Variants in ATXN10 observed in about 807,000 individuals in gnomAD.
The protein encoded by ATXN10 is ataxin-10.
Under a neutral mutation model 52.9 loss-of-function variants are expected in ATXN10, and 28 were observed. The observed-to-expected ratio is 0.53, with a 90% CI of 0.39 to 0.73. The LOEUF (loss-of-function observed/expected upper bound fraction) is 0.73, where lower values mean the gene tolerates loss of function less well. ATXN10 is among the 30% of genes least tolerant of loss of function. The pLI is 0.00. For missense variants in ATXN10, 565 were observed against 577.0 expected (o/e 0.98, Z 0.21); for synonymous variants, 226 against 221.5 (o/e 1.02, Z -0.18).
intron 10 of ATXN10, among the ~76,000 whole-genome samples, chr22:45,830,495 A>G (rs1211403315): frequency 6.6e-6 from 1 of 152,198 alleles, no homozygotes; most frequent in Non-Finnish European, 1.5e-5. Context: ...TATATAGAGA[A>G]TTCATAAAAC....
rs1383695791 is a variant in ATXN10 at position 45,732,224 on chromosome 22, T to C, written c.894+2634T>C. Among the ~76,000 whole-genome samples, 1 of 151,898 alleles carries C rather than the reference T, an allele frequency of 6.6e-6. No individual in the cohort carries two copies. The highest frequency in any genetic ancestry group is 1.5e-5 in the Non-Finnish European group (1 of 67,974). On this transcript the variant is annotated intron_variant, in intron 7 of 11. Coordinates refer to ENST00000252934, the MANE Select transcript of ATXN10 (RefSeq NM_013236.4). This position sits in a 1 kb window ranked among gnomAD's most constrained non-coding sequence, Gnocchi z 4.5. ...CCCAATACTTTGGGACGCCAAGGCG[T>C]GGGAGGATTGCTTAAGCCCAGGAGT... is the stretch of plus-strand genomic sequence containing the variant.
chr22:45,741,598 C>A (rs558563586), intron 9 of ATXN10, among the ~76,000 whole-genome samples: 2 of 152,158 alleles, frequency 1.3e-5, no homozygotes, highest in Admixed American at 6.5e-5. Flanking sequence ...CTTACTTGCC[C>A]AGCTGATGCC....
chr22:45,773,527 C>T (rs1025594930), intron 9 of ATXN10, among the ~76,000 whole-genome samples: 4 of 151,974 alleles, frequency 2.6e-5, no homozygotes, highest in African/African-American at 7.3e-5. Context: ...GGTGCAATCT[C>T]GGCTCACTGC....
At position 45,795,029 on chromosome 22, in the gene ATXN10, T is replaced by G. The variant is rs1927659008; in HGVS notation, c.1174-11930T>G. ...TATATGAGAGTAATTGCCCAAAGAT[T>G]AAACAGAGTATACAGTTACAACATT... On this transcript the variant is annotated intron_variant, in intron 9 of 11. Transcript: ENST00000252934. The surrounding 1 kb of genome is among the most constrained non-coding windows in gnomAD (Gnocchi z 4.6). 6.6e-6 allele frequency among the ~76,000 whole-genome samples: 1 copy of G among 152,284 alleles called. No homozygotes were observed. The highest frequency in any genetic ancestry group is 2.4e-5 in the African/African-American group (1 of 41,550).
rs1464765464 is a variant in ATXN10 at position 45,696,885 on chromosome 22, A to G, written c.392-3397A>G. On this transcript the variant is annotated intron_variant, in intron 3 of 11. Transcript: ENST00000252934. This position sits in a 1 kb window ranked among gnomAD's most constrained non-coding sequence, Gnocchi z 4.7. Reference sequence around the variant, plus strand: ...ATGAACCAGTTTGTCATTGAGGAGTAAATTGGTTATTTGGTTGTTAGCTTG... The same window carrying G: ...ATGAACCAGTTTGTCATTGAGGAGTGAATTGGTTATTTGGTTGTTAGCTTG... 6.6e-6 allele frequency among the ~76,000 whole-genome samples: 1 copy of G among 152,218 alleles called. No homozygotes were observed. Among genetic ancestry groups the G allele is most frequent in the African/African-American group, 2.4e-5 (1 of 41,458 alleles).
chr22:45,721,743 T>C (rs1163547734), intron 6 of ATXN10, among the ~76,000 whole-genome samples: 4 of 152,122 alleles, frequency 2.6e-5, no homozygotes, highest in Non-Finnish European at 5.9e-5. Flanking sequence ...ACAGACTCTG[T>C]GAAATAGGTA....
chr22:45,722,740 A>G (rs2146780411), intron 6 of ATXN10, among the ~76,000 whole-genome samples: 1 of 152,076 alleles, frequency 6.6e-6, no homozygotes, highest in East Asian at 1.9e-4. Flanking sequence ...TTGCTGCTGA[A>G]CAACTTTGAT....
In ATXN10 at chr22:45,672,114, G is replaced by A; in HGVS notation, c.51G>A (p.Pro17=). The A allele has an allele frequency of 6.5e-7, 1 of 1,540,160 alleles. No individual in the cohort carries two copies. Among genetic ancestry groups the A allele is most frequent in the Non-Finnish European group, 8.7e-7 (1 of 1,145,682 alleles). Residue 17 remains proline, a synonymous_variant, in exon 1 of 12, where the codon CCG becomes CCA. Transcript: ENST00000252934. ...PPARLSGVMV[P]APIQDLEALR... The stretch of plus-strand genomic sequence containing the variant: ...CCAGGCTGTCGGGCGTCATGGTGCC[G>A]GCGCCCATCCAAGACCTGGAGGCCC...
intron 3 of ATXN10, among the ~76,000 whole-genome samples, chr22:45,694,089 C>T (rs1923491201): frequency 6.6e-6 from 1 of 152,020 alleles, no homozygotes; most frequent in Non-Finnish European, 1.5e-5. Context: ...TGTTAAGTGT[C>T]TAAGTCAAGT....
intron 9 of ATXN10, among the ~76,000 whole-genome samples, chr22:45,788,216 A>T (rs1330298137): frequency 2.0e-5 from 3 of 152,118 alleles, no homozygotes; most frequent in Admixed American, 6.5e-5. Context: ...TGTATAAGAG[A>T]TGGATAATAT....
At position 45,772,159 on chromosome 22, in the gene ATXN10, C is replaced by T. The variant is rs971077186; in HGVS notation, c.1173+31621C>T. Reference sequence around the variant, plus strand: ...AAGAACTCTGTCCCTAATTCAGAATCACAAGAATTTTCTCATAGTTTTTCT... The same window carrying T: ...AAGAACTCTGTCCCTAATTCAGAATTACAAGAATTTTCTCATAGTTTTTCT... On this transcript the variant is annotated intron_variant, in intron 9 of 11. Coordinates refer to ENST00000252934, the MANE Select transcript of ATXN10 (RefSeq NM_013236.4). The surrounding 1 kb of genome is among the most constrained non-coding windows in gnomAD (Gnocchi z 4.1). Among the ~76,000 whole-genome samples, 15 of 152,126 alleles carry T rather than the reference C, an allele frequency of 9.9e-5. No homozygotes were observed. Among genetic ancestry groups the T allele is most frequent in the Non-Finnish European group, 1.8e-4 (12 of 68,026 alleles).
rs1923005722 is a variant in ATXN10 at position 45,683,364 on chromosome 22, T to TAAAAGCC, written c.117-6346_117-6340dup. Among the ~76,000 whole-genome samples, 1 of 152,156 alleles carries TAAAAGCC rather than the reference T, an allele frequency of 6.6e-6. No homozygotes were observed. On this transcript the variant is annotated intron_variant, in intron 1 of 11. Coordinates refer to ENST00000252934, the MANE Select transcript of ATXN10 (RefSeq NM_013236.4). The surrounding 1 kb of genome is among the most constrained non-coding windows in gnomAD (Gnocchi z 4.8). ...AACCTTCCATGGCTTCACATCAGGA[T>TAAAAGCC]AAAAGCCAGCGTCCTTCCGTGGCCT...
In ATXN10 at chr22:45,833,169, TGCA is replaced by T. The variant is rs1482156430; in HGVS notation, c.1238-9818_1238-9816del. ...GAGAACCTCTCTCCTGTGCTGACTTTGCAGCATCATAGAGTCCTTGGGAAGCGC... is the reference window on the plus strand; with the variant it reads ...GAGAACCTCTCTCCTGTGCTGACTTTGCATCATAGAGTCCTTGGGAAGCGC... On this transcript the variant is annotated intron_variant, in intron 10 of 11. Transcript: ENST00000252934. The surrounding 1 kb of genome is among the most constrained non-coding windows in gnomAD (Gnocchi z 4.3). Among the ~76,000 whole-genome samples, 10 of 152,216 alleles carry T rather than the reference TGCA, an allele frequency of 6.6e-5. No individual in the cohort carries two copies. The highest frequency in any genetic ancestry group is 1.3e-4 in the Non-Finnish European group (9 of 68,048).
chr22:45,818,930 T>C lies in ATXN10; in HGVS notation c.1237+11908T>C, dbSNP rs1313326773. 6.6e-6 allele frequency among the ~76,000 whole-genome samples: 1 copy of C among 152,190 alleles called. No homozygotes were observed. The highest frequency in any genetic ancestry group is 1.9e-4 in the East Asian group (1 of 5,192). On this transcript the variant is annotated intron_variant, in intron 10 of 11. Transcript: ENST00000252934. This position sits in a 1 kb window ranked among gnomAD's most constrained non-coding sequence, Gnocchi z 4.6. Reference sequence around the variant, plus strand: ...ATCCTGGGGCCTGACCTTGGTGCACTGTGTCTCTGGCTTCTTTGCATGCCT... The same window carrying C: ...ATCCTGGGGCCTGACCTTGGTGCACCGTGTCTCTGGCTTCTTTGCATGCCT...
intron 10 of ATXN10, among the ~76,000 whole-genome samples, chr22:45,822,733 G>T (rs1382582936): frequency 6.6e-6 from 1 of 151,914 alleles, no homozygotes; most frequent in Non-Finnish European, 1.5e-5. Context: ...TGTTGGTCAG[G>T]TTGGTCTTGA....
chr22:45,733,814 T>C lies in ATXN10; in HGVS notation c.894+4224T>C, dbSNP rs1925181266. ...TTTTGCCCAGCCTCCATTTGTTTTC[T>C]ATAGATCTGCATATCCTTTTTTTTT... is the stretch of plus-strand genomic sequence containing the variant. On this transcript the variant is annotated intron_variant, in intron 7 of 11. Coordinates refer to ENST00000252934, the MANE Select transcript of ATXN10 (RefSeq NM_013236.4). The surrounding 1 kb of genome is among the most constrained non-coding windows in gnomAD (Gnocchi z 4.4). 1.3e-5 allele frequency among the ~76,000 whole-genome samples: 2 copies of C among 151,970 alleles called. No individual in the cohort carries two copies. The highest frequency in any genetic ancestry group is 4.8e-5 in the African/African-American group (2 of 41,398).
chr22:45,731,941 T>A (rs1251416347), intron 7 of ATXN10, among the ~76,000 whole-genome samples: 2 of 152,180 alleles, frequency 1.3e-5, no homozygotes, highest in East Asian at 3.8e-4. Flanking sequence ...GGAGGAGCAG[T>A]GAGTCATGCT....
chr22:45,724,122 A>G (rs903776820), intron 6 of ATXN10, among the ~76,000 whole-genome samples: 3 of 151,872 alleles, frequency 2.0e-5, no homozygotes, highest in South Asian at 2.1e-4. Context: ...TATCTTTGCA[A>G]TTGTGAATTG....
chr22:45,832,104 A>G (rs1929012644), intron 10 of ATXN10, among the ~76,000 whole-genome samples: 1 of 151,632 alleles, frequency 6.6e-6, no homozygotes, highest in Non-Finnish European at 1.5e-5. Flanking sequence ...ACCATTATGG[A>G]CTCCTGCTCC....
Sources: gnomAD v4.1 joint callset for allele counts (sites outside exome capture counted in the v4.1 genomes callset) on GRCh38, gnomAD v4.1.1 for gene constraint, Gnocchi (gnomAD v3.1) non-coding constraint, MANE v1.5 for transcripts, NCBI Gene and HGNC (gene_info 2026-07-23, HGNC 2026-07-21) for gene names.